Variants in PEPD observed in about 807,000 individuals in gnomAD.
The protein encoded by PEPD is peptidase D.
PEPD carries 53 observed loss-of-function variants against 60.7 expected under a neutral mutation model. The ratio of observed to expected loss-of-function variants is 0.87; its 90% CI spans 0.70 to 1.10. The LOEUF is 1.10. Among genes scored for constraint, PEPD ranks in the 50% least tolerant of loss-of-function variants. The pLI, the probability that PEPD is intolerant of heterozygous loss-of-function variation, is 0.00. For missense variants in PEPD, 711 were observed against 711.9 expected, an observed-to-expected ratio of 1.00 and a Z score of 0.01; for synonymous variants, 267 against 284.1, an observed-to-expected ratio of 0.94 and a Z score of 0.60.
chr19:33,506,556 C>T (rs1168201321), intron 3 of PEPD, among the ~76,000 whole-genome samples: 1 of 147,532 alleles, frequency 6.8e-6, no homozygotes, highest in Non-Finnish European at 1.5e-5. Flanking sequence ...AGCACACACA[C>T]ACTTCCATCA....
At chr19:33,494,155 C>T (rs1447207502) in intron 4 of PEPD, among the ~76,000 whole-genome samples, 6 of 152,182 alleles carry the variant, frequency 3.9e-5, no homozygotes, top group Non-Finnish European at 8.8e-5. Context: ...GCCCCTCCTC[C>T]TCAGTCTGGC....
At chr19:33,513,425 A>G (rs1055887221) in intron 1 of PEPD, among the ~76,000 whole-genome samples, 3 of 152,010 alleles carry the variant, frequency 2.0e-5, no homozygotes, top group Non-Finnish European at 4.4e-5. Flanking sequence ...CCCCCGACAC[A>G]AAGCACCTGC....
At chr19:33,462,460 C>T (rs1024953062) in intron 9 of PEPD, among the ~76,000 whole-genome samples, 4 of 152,260 alleles carry the variant, frequency 2.6e-5, no homozygotes, top group East Asian at 1.9e-4. Flanking sequence ...GGTCCTGGAG[C>T]GGGGCTGAGC....
At chr19:33,419,541 C>T (rs1243475285) in intron 9 of PEPD, among the ~76,000 whole-genome samples, 1 of 152,200 alleles carries the variant, frequency 6.6e-6, no homozygotes, top group East Asian at 1.9e-4. Context: ...GGCTCGGAGT[C>T]CACGCAGGGT....
At position 33,457,503 on chromosome 19, in the gene PEPD, G is replaced by A. The variant is rs1164793100; in HGVS notation, c.671+5492C>T. On this transcript the variant is annotated intron_variant, in intron 9 of 14. Coordinates refer to ENST00000244137, the MANE Select transcript of PEPD (RefSeq NM_000285.4). ...TCCCACCTCCTGGCTGTCCTTACTGGAGTCAAAGTTTCTAGTCTTTTTTAT... is the reference window on the plus strand; with the variant it reads ...TCCCACCTCCTGGCTGTCCTTACTGAAGTCAAAGTTTCTAGTCTTTTTTAT... 4.6e-5 allele frequency among the ~76,000 whole-genome samples: 7 copies of A among 152,150 alleles called. No individual in the cohort carries two copies. The South Asian group carries it at 6.2e-4, about 14-fold the overall frequency.
intron 9 of PEPD, among the ~76,000 whole-genome samples, chr19:33,454,461 G>T (rs749894062): frequency 2.6e-5 from 4 of 151,988 alleles, no homozygotes; most frequent in Non-Finnish European, 2.9e-5. Context: ...AATTAGCTGG[G>T]CATGGTGGTG....
At chr19:33,507,054 C>T (rs1242570135) in intron 3 of PEPD, among the ~76,000 whole-genome samples, 1 of 151,992 alleles carries the variant, frequency 6.6e-6, no homozygotes, top group Non-Finnish European at 1.5e-5. Context: ...GCACACACAG[C>T]CCCCCACACA....
chr19:33,462,888 G>T, intron 9 of PEPD, 107 bp downstream of exon 9: 1 of 793,228 alleles, frequency 1.3e-6, no homozygotes. Flanking sequence ...CATAATCTCC[G>T]CTCACGGTGT....
intron 9 of PEPD, among the ~76,000 whole-genome samples, chr19:33,433,279 T>C (rs1205315745): frequency 6.6e-6 from 1 of 152,188 alleles, no homozygotes; most frequent in Non-Finnish European, 1.5e-5. Context: ...TCTTTCAGTG[T>C]GAGCTGCTGT....
chr19:33,409,764 C>A (rs886155131), intron 11 of PEPD, among the ~76,000 whole-genome samples: 1 of 152,204 alleles, frequency 6.6e-6, no homozygotes, highest in Non-Finnish European at 1.5e-5. Context: ...CTGCTCTAGT[C>A]CCCTGCTGAG....
At chr19:33,414,514 C>A (rs1428714013) in intron 9 of PEPD, among the ~76,000 whole-genome samples, 2 of 152,284 alleles carry the variant, frequency 1.3e-5, no homozygotes, top group East Asian at 3.9e-4. Flanking sequence ...CTCCCTGAGG[C>A]CTCGGCAACA....
intron 10 of PEPD, among the ~76,000 whole-genome samples, chr19:33,412,183 A>C (rs1184961930): frequency 1.3e-5 from 2 of 152,152 alleles, no homozygotes; most frequent in Non-Finnish European, 2.9e-5. Context: ...ACCTCTACAG[A>C]AAATGCAAAA....
chr19:33,512,866 G>A (rs1338806900), intron 1 of PEPD, 90 bp from the exon 2 acceptor site: 21 of 1,457,700 alleles, frequency 1.4e-5, no homozygotes, highest in South Asian at 4.6e-5. Context: ...CCGGAGGCCC[G>A]AGCCTGCCGT....
At chr19:33,476,438 C>T (rs940685692) in intron 7 of PEPD, among the ~76,000 whole-genome samples, 1 of 152,246 alleles carries the variant, frequency 6.6e-6, no homozygotes, top group South Asian at 2.1e-4. Context: ...CCTAGCTATG[C>T]GGGACAAAAA....
At chr19:33,463,916 T>G (rs1969973789) in intron 8 of PEPD, 71 bp downstream of exon 8, 2 of 1,012,964 alleles carry the variant, frequency 2.0e-6, no homozygotes, top group Non-Finnish European at 3.1e-6. Flanking sequence ...AAACCCTTCA[T>G]CCTCACGCAG....
chr19:33,432,971 C>T (rs1175004847), intron 9 of PEPD, among the ~76,000 whole-genome samples: 1 of 152,214 alleles, frequency 6.6e-6, no homozygotes, highest in Non-Finnish European at 1.5e-5. Context: ...TGGCCTGGAG[C>T]GACAGGCTCC....
intron 9 of PEPD, among the ~76,000 whole-genome samples, chr19:33,458,808 T>TGTA (rs200978088): frequency 2.2e-5 from 3 of 138,436 alleles, no homozygotes; most frequent in African/African-American, 5.5e-5. Flanking sequence ...ATAGGGCATG[T>TGTA]GTGTGGTGTA....
intron 9 of PEPD, among the ~76,000 whole-genome samples, chr19:33,419,794 C>A (rs766457599): frequency 6.6e-6 from 1 of 152,256 alleles, no homozygotes; most frequent in Non-Finnish European, 1.5e-5. Flanking sequence ...GCAAGGACAA[C>A]TGGCCCACCA....
chr19:33,402,802 G>C (rs1006925989), intron 11 of PEPD, among the ~76,000 whole-genome samples: 2 of 152,222 alleles, frequency 1.3e-5, no homozygotes, highest in Admixed American at 6.5e-5. Context: ...GGGGCCAGCA[G>C]AGAGGCAGGA....
Sources: gnomAD v4.1 joint callset for allele counts (sites outside exome capture counted in the v4.1 genomes callset) on GRCh38, gnomAD v4.1.1 for gene constraint, MANE v1.5 for transcripts, NCBI Gene and HGNC (gene_info 2026-07-23, HGNC 2026-07-21) for gene names.